The following CCDC38 variants were observed in gnomAD, a reference collection of about 807,000 sequenced individuals.
The protein encoded by CCDC38 is coiled-coil domain-containing protein 38.
CCDC38 carries 69 observed loss-of-function variants against 72.8 expected under a neutral mutation model. The observed-to-expected ratio is 0.95, with a 90% CI of 0.78 to 1.16. The LOEUF is 1.16. Among genes scored for constraint, CCDC38 ranks in the 50% most tolerant of loss-of-function variants. CCDC38 has a pLI of 0.00. For synonymous variants in CCDC38, 201 were observed against 213.2 expected (o/e 0.94, Z 0.50); for missense variants, 626 against 638.9 (o/e 0.98, Z 0.22).
At chr12:95,935,968 C>T in intron 2 of CCDC38, among the ~76,000 whole-genome samples, 1 of 152,090 alleles carries the variant, frequency 6.6e-6, no homozygotes. Context: ...ATCCCAGCTA[C>T]TTGGGAGGCT....
intron 1 of CCDC38, among the ~76,000 whole-genome samples, chr12:95,940,098 C>CT (rs76213665): frequency 0.092 from 13,964 of 152,192 alleles, 1,159 homozygotes; most frequent in East Asian, 0.46. Context: ...ATCCCTTATA[C>CT]TTTTTTCAAA....
At chr12:95,929,209 C>T (rs2080308686) in intron 2 of CCDC38, among the ~76,000 whole-genome samples, 1 of 152,208 alleles carries the variant, frequency 6.6e-6, no homozygotes, top group Non-Finnish European at 1.5e-5. Flanking sequence ...GGCGTAGGAC[C>T]CTCTGAGCCA....
chr12:95,919,166 C>T lies in CCDC38; in HGVS notation c.38-190G>A, dbSNP rs139153927. 1.8e-4 allele frequency among the ~76,000 whole-genome samples: 28 copies of T among 152,272 alleles called. No homozygotes were observed. In the East Asian group the frequency reaches 4.0e-3, roughly 22 times the overall value. On this transcript the variant is annotated intron_variant, in intron 2 of 15. Transcript: ENST00000344280. ...ATTGAGTAATGAATGATTTGTGGAT[C>T]GGGCAGCCCCCAGAATCACAGCAGA...
intron 11 of CCDC38, among the ~76,000 whole-genome samples, chr12:95,880,493 G>C (rs1290198707): frequency 6.6e-6 from 1 of 151,976 alleles, no homozygotes; most frequent in Non-Finnish European, 1.5e-5. Flanking sequence ...GACTCTACTA[G>C]AAATACAAAA....
intron 2 of CCDC38, among the ~76,000 whole-genome samples, chr12:95,931,278 A>G (rs112593002): frequency 6.6e-6 from 1 of 152,142 alleles, no homozygotes; most frequent in African/African-American, 2.4e-5. Context: ...TTTAGCCTCT[A>G]CTTCCATTGT....
intron 10 of CCDC38, among the ~76,000 whole-genome samples, chr12:95,884,106 G>T (rs2079730738): frequency 1.3e-5 from 2 of 152,160 alleles, no homozygotes; most frequent in South Asian, 4.1e-4. Context: ...AAGAAAAAGA[G>T]ATAAAAGGCA....
chr12:95,878,461 T>C (rs1176150454), intron 12 of CCDC38, 115 bp from the exon 13 acceptor site: 2 of 992,786 alleles, frequency 2.0e-6, no homozygotes, highest in African/African-American at 1.6e-5. Context: ...GTGAGCCAAA[T>C]ACAAGTCTGT....
At chr12:95,928,627 G>A (rs1232589815) in intron 2 of CCDC38, among the ~76,000 whole-genome samples, 1 of 152,196 alleles carries the variant, frequency 6.6e-6, no homozygotes, top group Non-Finnish European at 1.5e-5. Context: ...GCTTTTTAGA[G>A]TTTCCAGTTT....
intron 2 of CCDC38, among the ~76,000 whole-genome samples, chr12:95,932,987 G>C (rs1233644453): frequency 1.3e-5 from 2 of 152,138 alleles, no homozygotes; most frequent in East Asian, 3.8e-4. Context: ...GGAGAAAATG[G>C]TTATTCTCAT....
At chr12:95,921,111 A>C (rs548436564) in intron 2 of CCDC38, among the ~76,000 whole-genome samples, 22 of 151,826 alleles carry the variant, frequency 1.4e-4, no homozygotes, top group Admixed American at 3.9e-4. Flanking sequence ...CTGGGCAACA[A>C]GAGTGAAACT....
At chr12:95,906,798 CTTTTTATTTATTTA>C (rs2080007520) in intron 4 of CCDC38, among the ~76,000 whole-genome samples, 1 of 73,644 alleles carries the variant, frequency 1.4e-5, no homozygotes, top group African/African-American at 6.3e-5. Context: ...ATCAAGATTT[CTTTTTATTTATTTA>C]TTTATTTATT....
intron 2 of CCDC38, among the ~76,000 whole-genome samples, chr12:95,925,974 TTCA>T (rs1398378204): frequency 1.4e-4 from 18 of 127,712 alleles, no homozygotes; most frequent in African/African-American, 5.4e-4. Context: ...TACATCAATG[TTCA>T]TCAAGGATAT....
Position 95,869,951 on chromosome 12 carries a change from G to A in CCDC38, c.1485-378C>T, listed in dbSNP as rs2121405252. On this transcript the variant is annotated intron_variant, in intron 14 of 15. Transcript: ENST00000344280. ...CAGTTCTCCTGCCTCAGCCTCCCAA[G>A]TAGCTGGGATTACAGGTGCATGCCA... 1.7e-5 allele frequency: 3 copies of A among 178,024 alleles called. No individual in the cohort carries two copies. In the South Asian group the frequency reaches 3.6e-4, roughly 21 times the overall value. The allele number at this position is 178,024 out of a possible 1,614,324, so 11.0% of individuals were successfully genotyped here.
Position 95,923,541 on chromosome 12 carries a change from T to A in CCDC38, c.38-4565A>T, listed in dbSNP as rs79861596. Reference sequence around the variant, plus strand: ...GCCCTATCCCAAGTGTCTTTTTTTTTTTAATTTATTATTATTATACTTTAA... The same window carrying A: ...GCCCTATCCCAAGTGTCTTTTTTTTATTAATTTATTATTATTATACTTTAA... On this transcript the variant is annotated intron_variant, in intron 2 of 15. Transcript: ENST00000344280. Among the ~76,000 whole-genome samples the A allele has an allele frequency of 8.8e-3, 443 of 50,216 alleles. 2 individuals are homozygous for A. The highest frequency in any genetic ancestry group is 0.031 in the African/African-American group (356 of 11,392). The allele number at this position is 50,216 out of a possible 152,430, so 32.9% of individuals were successfully genotyped here. A position where few individuals can be genotyped will look rare whatever the true frequency, so the allele number is the denominator to read the frequency against.
chr12:95,897,887 A>G (rs959304495), intron 7 of CCDC38, among the ~76,000 whole-genome samples: 2 of 152,138 alleles, frequency 1.3e-5, no homozygotes, highest in Non-Finnish European at 1.5e-5. Context: ...TGTGCCCAGC[A>G]GATCTTAGTT....
intron 12 of CCDC38, among the ~76,000 whole-genome samples, 182 bp from the exon 13 acceptor site, chr12:95,878,528 A>C (rs942540570): frequency 2.0e-5 from 3 of 152,220 alleles, no homozygotes; most frequent in Admixed American, 1.3e-4. Context: ...AGAAAAATAC[A>C]TGCACAAATG....
intron 5 of CCDC38, among the ~76,000 whole-genome samples, chr12:95,905,189 A>AT (rs2079988861): frequency 6.6e-6 from 1 of 151,804 alleles, no homozygotes; most frequent in African/African-American, 2.4e-5. Flanking sequence ...ATTTTTTATC[A>AT]TTTTTTCTGA....
At chr12:95,935,246 A>T (rs1348408564) in intron 2 of CCDC38, 1 of 152,314 alleles carries the variant, frequency 6.6e-6, no homozygotes, top group African/African-American at 2.4e-5. Context: ...GTGAACCCCC[A>T]ATATCCATTC....
chr12:95,915,662 A>C (rs1003972821), intron 4 of CCDC38, among the ~76,000 whole-genome samples: 1 of 152,360 alleles, frequency 6.6e-6, no homozygotes, highest in Middle Eastern at 3.4e-3. Context: ...TTTTCACTCA[A>C]ATCAGCTCCT....
Sources: allele counts gnomAD v4.1 joint callset (sites outside exome capture counted in the v4.1 genomes callset), GRCh38; gene constraint gnomAD v4.1.1; transcripts MANE v1.5; gene names NCBI Gene and HGNC (gene_info 2026-07-23, HGNC 2026-07-21).